PRAG1: variants seen among roughly 807,000 people sequenced by gnomAD.
PRAG1 encodes the protein PEAK1 related, kinase-activating pseudokinase 1.
Under a neutral mutation model 95.6 loss-of-function variants are expected in PRAG1, and 110 were observed. That is an observed-to-expected ratio of 1.15 (90% CI 0.99 to 1.35). The LOEUF is 1.35. Ranked by LOEUF, PRAG1 falls within the 40% of genes most tolerant of loss-of-function variation. The probability of loss-of-function intolerance (pLI) is 0.00; values close to 1 mark genes in which losing one functional copy is unlikely to be tolerated. For synonymous variants in PRAG1, 1,052 were observed against 819.4 expected, an observed-to-expected ratio of 1.28 and a Z score of -4.85; for missense variants, 2,554 against 1,864.7, an observed-to-expected ratio of 1.37 and a Z score of -6.81.
At position 8,318,501 on chromosome 8, in the gene PRAG1, C is replaced by T; in HGVS notation, c.3874G>A (p.Ala1292Thr). The part of the protein sequence containing the change: ...YRQEDLPPLP[A>T]LSLYSPGLQQ... ...AGGCCGGGTGAGTAGAGGGACAGCG[C>T]GGGCAGCGGCGGCAGGTCCTCCTGC... The change falls in exon 6 of 6, where the codon GCG (alanine) becomes ACG (threonine). Residue 1292 changes from alanine (A) to threonine (T), a missense_variant. Transcript: ENST00000615670. This position sits in a 1 kb window ranked among gnomAD's most constrained non-coding sequence, Gnocchi z 4.2. The T allele has an allele frequency of 2.5e-6, 4 of 1,611,586 alleles. No homozygotes were observed. The South Asian group carries it at 3.3e-5, about 13-fold the overall frequency.
At chr8:8,348,772 T>C (rs1004134025) in intron 3 of PRAG1, among the ~76,000 whole-genome samples, 2 of 152,192 alleles carry the variant, frequency 1.3e-5, no homozygotes, top group Non-Finnish European at 2.9e-5. Flanking sequence ...CTGAATCACA[T>C]CACTGAGAAT....
At position 8,376,521 on chromosome 8, in the gene PRAG1, C is replaced by T. The variant is rs1293333666; in HGVS notation, c.1888G>A (p.Ala630Thr). The T allele has an allele frequency of 6.2e-7, 1 of 1,609,722 alleles. No homozygotes were observed. Among genetic ancestry groups the T allele is most frequent in the South Asian group, 1.1e-5 (1 of 90,736 alleles). Reference protein sequence around the residue: ...ASEQRRPRFQAGTWSRQCRIE... With the variant: ...ASEQRRPRFQTGTWSRQCRIE... Reference sequence around the variant, plus strand: ...CGGCACTGACGACTCCAGGTGCCTGCCTGGAACCTGGGCCGCCTCTGTTCC... The same window carrying T: ...CGGCACTGACGACTCCAGGTGCCTGTCTGGAACCTGGGCCGCCTCTGTTCC... Residue 630 changes from alanine (A) to threonine (T), a missense_variant, in exon 3 of 6, where the codon GCA (alanine) becomes ACA (threonine). By Grantham distance (58) the Ala-to-Thr change is moderately conservative (BLOSUM62 0). Transcript: ENST00000615670.
At chr8:8,320,164 A>G (rs1798429431) in intron 5 of PRAG1, among the ~76,000 whole-genome samples, 1 of 152,230 alleles carries the variant, frequency 6.6e-6, no homozygotes, top group African/African-American at 2.4e-5. Context: ...ATTCTCAAGA[A>G]GGCAAATAGT....
Position 8,318,526 on chromosome 8 carries a change from C to A in PRAG1, c.3849G>T (p.Arg1283=). The stretch of plus-strand genomic sequence containing the variant: ...CGGGCAGCGGCGGCAGGTCCTCCTG[C>A]CGGTAGTCTCTCTCCCGCAGCTGGG... ...VRAQLRERDY[R]QEDLPPLPAL... Residue 1283 remains arginine (R), a synonymous_variant, in exon 6 of 6, where the codon CGG becomes CGT. Coordinates refer to ENST00000615670, the MANE Select transcript of PRAG1 (RefSeq NM_001080826.3). The surrounding 1 kb of genome is among the most constrained non-coding windows in gnomAD (Gnocchi z 4.2). The A allele has an allele frequency of 1.2e-6, 2 of 1,612,858 alleles. No homozygotes were observed. The highest frequency in any genetic ancestry group is 1.7e-6 in the Non-Finnish European group (2 of 1,179,806).
intron 3 of PRAG1, among the ~76,000 whole-genome samples, chr8:8,369,739 C>G (rs1474642539): frequency 6.9e-6 from 1 of 143,936 alleles, no homozygotes; most frequent in Non-Finnish European, 1.5e-5. Flanking sequence ...TAATCCTGAT[C>G]TTGGATCAAG....
In PRAG1 at chr8:8,377,564, C is replaced by G. The variant is rs779401084; in HGVS notation, c.845G>C (p.Arg282Thr). ...TAGSRGRHGG[R>T]DCSPTCWEQG... Reference sequence around the variant, plus strand: ...CTCCCAGCACGTGGGTGAGCAGTCCCTGCCACCATGCCTGCCCCGGGAACC... The same window carrying G: ...CTCCCAGCACGTGGGTGAGCAGTCCGTGCCACCATGCCTGCCCCGGGAACC... Residue 282 changes from arginine (R) to threonine (T), a missense_variant, in exon 3 of 6, where the codon AGG (arginine) becomes ACG (threonine). Physicochemically the swap from Arg to Thr is moderately conservative, Grantham distance 71. Transcript: ENST00000615670. The G allele has an allele frequency of 3.1e-6, 5 of 1,609,252 alleles. No individual in the cohort carries two copies. The African/African-American group carries it at 5.3e-5, about 17-fold the overall frequency.
chr8:8,361,002 G>A (rs1413178364), intron 3 of PRAG1, among the ~76,000 whole-genome samples: 2 of 152,164 alleles, frequency 1.3e-5, no homozygotes, highest in African/African-American at 2.4e-5. Context: ...CCCCTGAAAA[G>A]AGGATATCCA....
chr8:8,327,957 A>G lies in PRAG1; in HGVS notation c.2825T>C (p.Leu942Pro). The change falls in exon 5 of 6, where the codon CTG becomes CCG. Residue 942 changes from leucine (L) to proline (P), a missense_variant. Coordinates refer to ENST00000615670, the MANE Select transcript of PRAG1 (RefSeq NM_001080826.3). ...GSTQLQLHGL[L>P]SNISSKEGTY... ...GCCCTCCTTGCTGCTGATGTTGCTC[A>G]GGAGACCGTGCAGCTGAAGCTGGGT... 6.2e-7 allele frequency: 1 copy of G among 1,610,242 alleles called. No individual in the cohort carries two copies. Among genetic ancestry groups the G allele is most frequent in the South Asian group, 1.1e-5 (1 of 90,716 alleles).
intron 5 of PRAG1, among the ~76,000 whole-genome samples, chr8:8,324,797 A>C (rs1798581942): frequency 6.6e-6 from 1 of 152,156 alleles, no homozygotes; most frequent in Admixed American, 6.5e-5. Flanking sequence ...GGCCCTAATT[A>C]CCAAACTAGA....
At position 8,318,442 on chromosome 8, in the gene PRAG1, G is replaced by A. The variant is rs760608838; in HGVS notation, c.3933C>T (p.Asp1311=). The A allele has an allele frequency of 1.6e-5, 25 of 1,612,412 alleles. No individual in the cohort carries two copies. The African/African-American group carries it at 2.7e-4, about 17-fold the overall frequency. ...QQLAHLLLEA[D]PIKRIRIGEA... ...CGCCGATGCGGATACGCTTGATGGGGTCGGCCTCCAGTAGCAGATGTGCCA... is the reference window on the plus strand; with the variant it reads ...CGCCGATGCGGATACGCTTGATGGGATCGGCCTCCAGTAGCAGATGTGCCA... The change falls in exon 6 of 6, where the codon GAC becomes GAT. Residue 1311 remains aspartate, a synonymous_variant. Transcript: ENST00000615670. The surrounding 1 kb of genome is among the most constrained non-coding windows in gnomAD (Gnocchi z 4.2).
chr8:8,326,398 A>T (rs1226799799), intron 5 of PRAG1, among the ~76,000 whole-genome samples: 1 of 152,152 alleles, frequency 6.6e-6, no homozygotes, highest in African/African-American at 2.4e-5. Flanking sequence ...CTGGAAAAAA[A>T]AGCGATGTCT....
Position 8,318,110 on chromosome 8 carries a change from G to T in PRAG1, c.*44C>A. On this transcript the variant is annotated 3_prime_UTR_variant, in exon 6 of 6. Coordinates refer to ENST00000615670, the MANE Select transcript of PRAG1 (RefSeq NM_001080826.3). This position sits in a 1 kb window ranked among gnomAD's most constrained non-coding sequence, Gnocchi z 4.2. ...TGCTTCCAAGGCGAGACAGGAAAGG[G>T]TTAGGCAGGGAAGGGGCAGCGACGG... 6.4e-7 allele frequency: 1 copy of T among 1,564,182 alleles called. No homozygotes were observed. The highest frequency in any genetic ancestry group is 8.7e-7 in the Non-Finnish European group (1 of 1,155,156).
intron 3 of PRAG1, among the ~76,000 whole-genome samples, chr8:8,351,605 G>C (rs1799525180): frequency 1.3e-5 from 2 of 152,104 alleles, no homozygotes; most frequent in Admixed American, 6.5e-5. Context: ...TTTGTCCATT[G>C]ACCAGACCTC....
intron 3 of PRAG1, among the ~76,000 whole-genome samples, chr8:8,368,687 G>A (rs1033742686): frequency 6.6e-6 from 1 of 152,178 alleles, no homozygotes; most frequent in Non-Finnish European, 1.5e-5. Flanking sequence ...GGCCATTCTA[G>A]GAACAAAGTC....
At chr8:8,382,068 G>A (rs138903862) in intron 1 of PRAG1, among the ~76,000 whole-genome samples, 100 of 152,044 alleles carry the variant, frequency 6.6e-4, no homozygotes, top group Middle Eastern at 3.4e-3. Context: ...CTTTAAAGGA[G>A]TAAATAAAAG....
chr8:8,377,787 G>A lies in PRAG1; in HGVS notation c.622C>T (p.Arg208Cys), dbSNP rs180898867. Residue 208 changes from arginine (R) to cysteine (C), a missense_variant, in exon 3 of 6, where the codon CGC becomes TGC. Arg to Cys is a radical substitution (Grantham distance 180). Coordinates refer to ENST00000615670, the MANE Select transcript of PRAG1 (RefSeq NM_001080826.3). ...QDRPSTQESF[R>C]QKLAAFAGTT... ...CCAGCAAAGGCAGCCAGTTTCTGGC[G>A]GAAGCTCTCCTGGGTGGAGGGCCGG... The A allele has an allele frequency of 5.3e-3, 8,520 of 1,614,124 alleles. 37 individuals are homozygous for A. The highest frequency in any genetic ancestry group is 6.1e-3 in the Non-Finnish European group (7,159 of 1,180,030).
intron 3 of PRAG1, among the ~76,000 whole-genome samples, chr8:8,368,388 C>T (rs1243967673): frequency 6.6e-6 from 1 of 152,118 alleles, no homozygotes; most frequent in Admixed American, 6.6e-5. Flanking sequence ...ACTCCTAACG[C>T]CCAACATTTT....
At chr8:8,369,512 G>C (rs754965706) in intron 3 of PRAG1, among the ~76,000 whole-genome samples, 2 of 152,084 alleles carry the variant, frequency 1.3e-5, no homozygotes, top group Non-Finnish European at 2.9e-5. Context: ...TGCAAAGCAA[G>C]GAGTCAGGTG....
chr8:8,379,179 C>G (rs550402838), intron 2 of PRAG1, among the ~76,000 whole-genome samples: 3 of 152,102 alleles, frequency 2.0e-5, no homozygotes, highest in African/African-American at 7.2e-5. Flanking sequence ...TGGGCTTCCT[C>G]GCTTCTTTCT....
Sources: allele counts gnomAD v4.1 joint callset (sites outside exome capture counted in the v4.1 genomes callset), GRCh38; gene constraint gnomAD v4.1.1; non-coding constraint Gnocchi (gnomAD v3.1); transcripts MANE v1.5; gene names NCBI Gene and HGNC (gene_info 2026-07-23, HGNC 2026-07-21).